The following NDUFS4 variants were observed in gnomAD, a reference collection of about 807,000 sequenced individuals.
NDUFS4 encodes the protein NADH:ubiquinone oxidoreductase subunit S4.
In NDUFS4, 28 loss-of-function variants were observed where a neutral mutation model predicts 24.3. The observed-to-expected ratio is 1.15, with a 90% CI of 0.85 to 1.58. The LOEUF (loss-of-function observed/expected upper bound fraction) is 1.58, where lower values mean the gene tolerates loss of function less well. NDUFS4 is among the 40% of genes most tolerant of loss of function. NDUFS4 has a pLI of 0.00. For missense variants in NDUFS4, 223 were observed against 207.9 expected (o/e 1.07, Z -0.45); for synonymous variants, 93 against 69.7 (o/e 1.34, Z -1.67).
At chr5:53,641,409 CAT>C (rs1341210303) in intron 2 of NDUFS4, among the ~76,000 whole-genome samples, 1 of 152,132 alleles carries the variant, frequency 6.6e-6, no homozygotes, top group Non-Finnish European at 1.5e-5. Context: ...CTATTTCTAT[CAT>C]ATTATCCACA....
chr5:53,659,186 G>C lies in NDUFS4; in HGVS notation c.424+562G>C, dbSNP rs73754283. On this transcript the variant is annotated intron_variant, in intron 4 of 4. Coordinates refer to ENST00000296684, the MANE Select transcript of NDUFS4 (RefSeq NM_002495.4). ...GTATAATAATATTAATGTGGCCTAAGAGTATATTTGCTTTTGGGGCAGCCA... is the reference window on the plus strand; with the variant it reads ...GTATAATAATATTAATGTGGCCTAACAGTATATTTGCTTTTGGGGCAGCCA... Among the ~76,000 whole-genome samples the C allele has an allele frequency of 7.3e-3, 1,106 of 152,196 alleles. 14 individuals are homozygous for C. Among genetic ancestry groups the C allele is most frequent in the African/African-American group, 0.025 (1,057 of 41,530 alleles).
rs1192103515 is a variant in NDUFS4, at chr5:53,665,713, G to A, written c.424+7089G>A. Among the ~76,000 whole-genome samples, 6 of 152,300 alleles carry A rather than the reference G, an allele frequency of 3.9e-5. No homozygotes were observed. In the East Asian group the frequency reaches 7.7e-4, roughly 20 times the overall value. Reference sequence around the variant, plus strand: ...GGGTGGGAGTGACCCGATTTTCCAGGTGCCATCTGTCACCCCTTTCTTTGA... The same window carrying A: ...GGGTGGGAGTGACCCGATTTTCCAGATGCCATCTGTCACCCCTTTCTTTGA... On this transcript the variant is annotated intron_variant, in intron 4 of 4. Coordinates refer to ENST00000296684, the MANE Select transcript of NDUFS4 (RefSeq NM_002495.4).
At chr5:53,656,710 TGTGATAGACA>T (rs1390814226) in intron 3 of NDUFS4, among the ~76,000 whole-genome samples, 1 of 152,160 alleles carries the variant, frequency 6.6e-6, no homozygotes, top group Non-Finnish European at 1.5e-5. Flanking sequence ...CTGAAGTTAA[TGTGATAGACA>T]GTGAAAACTG....
chr5:53,630,397 C>T (rs536921182), intron 2 of NDUFS4, among the ~76,000 whole-genome samples: 2 of 151,798 alleles, frequency 1.3e-5, no homozygotes, highest in African/African-American at 2.4e-5. Context: ...GTGGTGTTCT[C>T]TGTATTTCCT....
At chr5:53,619,931 A>G (rs903691511) in intron 2 of NDUFS4, among the ~76,000 whole-genome samples, 1 of 152,176 alleles carries the variant, frequency 6.6e-6, no homozygotes, top group African/African-American at 2.4e-5. Context: ...GCTAGAATGA[A>G]CATCTTTATA....
rs138590020 is a variant in NDUFS4 at position 53,628,066 on chromosome 5, G to A, written c.178-18167G>A. On this transcript the variant is annotated intron_variant, in intron 2 of 4. Transcript: ENST00000296684. ...TTTGAGATACGTTCCATAATACCTA[G>A]TTTATTGAGAGTTTTTAGCATGAAG... Among the ~76,000 whole-genome samples the A allele has an allele frequency of 2.0e-3, 301 of 152,198 alleles. 1 individual carries two copies. Among genetic ancestry groups the A allele is most frequent in the African/African-American group, 6.8e-3 (283 of 41,536 alleles).
At chr5:53,661,981 C>G (rs370270626) in intron 4 of NDUFS4, among the ~76,000 whole-genome samples, 1 of 152,096 alleles carries the variant, frequency 6.6e-6, no homozygotes, top group Non-Finnish European at 1.5e-5. Flanking sequence ...AATTGAATAC[C>G]CTTTATTTCC....
intron 2 of NDUFS4, among the ~76,000 whole-genome samples, chr5:53,638,779 C>A (rs1009265401): frequency 6.6e-6 from 1 of 152,012 alleles, no homozygotes; most frequent in African/African-American, 2.4e-5. Flanking sequence ...TAAAGGAAAA[C>A]CTTCACTTTC....
At chr5:53,587,393 A>G (rs1222095503) in intron 1 of NDUFS4, among the ~76,000 whole-genome samples, 2 of 152,012 alleles carry the variant, frequency 1.3e-5, no homozygotes, top group Admixed American at 6.6e-5. Context: ...CTATAAACCT[A>G]CCACCTAGAT....
At chr5:53,599,047 T>C (rs1352336599) in intron 1 of NDUFS4, among the ~76,000 whole-genome samples, 1 of 152,148 alleles carries the variant, frequency 6.6e-6, no homozygotes, top group African/African-American at 2.4e-5. Context: ...CAAAAATGAA[T>C]ATTAAACAGC....
intron 4 of NDUFS4, among the ~76,000 whole-genome samples, chr5:53,670,565 G>A (rs990800907): frequency 6.6e-6 from 1 of 150,866 alleles, no homozygotes; most frequent in African/African-American, 2.4e-5. Flanking sequence ...CTTATGTATG[G>A]CTCACATATT....
intron 1 of NDUFS4, among the ~76,000 whole-genome samples, chr5:53,601,005 T>A (rs1420137555): frequency 2.1e-5 from 1 of 48,562 alleles, no homozygotes; most frequent in Non-Finnish European, 5.7e-5. Flanking sequence ...TATAATAAAT[T>A]TTTTTTTTTT....
At chr5:53,570,688 T>C (rs1749181495) in intron 1 of NDUFS4, among the ~76,000 whole-genome samples, 1 of 146,780 alleles carries the variant, frequency 6.8e-6, no homozygotes, top group Admixed American at 6.8e-5. Context: ...TTTTTTCTTT[T>C]TTTTTTTTTT....
intron 4 of NDUFS4, among the ~76,000 whole-genome samples, chr5:53,659,317 G>C (rs536738572): frequency 6.6e-6 from 1 of 152,288 alleles, no homozygotes; most frequent in East Asian, 1.9e-4. Flanking sequence ...GTGAAAGGAA[G>C]TTTTGCAGTC....
chr5:53,653,021 G>A (rs911747793), intron 3 of NDUFS4, among the ~76,000 whole-genome samples: 15 of 150,450 alleles, frequency 1.0e-4, no homozygotes, highest in South Asian at 6.3e-4. Context: ...CTTTAATTTT[G>A]ATTAAACCTA....
chr5:53,610,309 C>G (rs1284531483), intron 2 of NDUFS4, among the ~76,000 whole-genome samples: 1 of 152,076 alleles, frequency 6.6e-6, no homozygotes, highest in Non-Finnish European at 1.5e-5. Context: ...ACACACACAA[C>G]CTTTATTAAT....
At chr5:53,664,564 G>A (rs1469930136) in intron 4 of NDUFS4, among the ~76,000 whole-genome samples, 5 of 151,980 alleles carry the variant, frequency 3.3e-5, no homozygotes, top group Admixed American at 2.0e-4. Flanking sequence ...TTCTCTTCTT[G>A]CTTCATTTCA....
intron 2 of NDUFS4, among the ~76,000 whole-genome samples, chr5:53,626,636 G>A (rs1751234696): frequency 6.6e-6 from 1 of 152,182 alleles, no homozygotes. Context: ...GACCAGTGAT[G>A]ATGAGCATTT....
intron 1 of NDUFS4, among the ~76,000 whole-genome samples, chr5:53,586,365 CAAAT>C (rs1271848715): frequency 6.7e-6 from 1 of 150,156 alleles, no homozygotes; most frequent in Admixed American, 6.6e-5. Context: ...ACAAAAAACT[CAAAT>C]AATCTCTAGT....
Sources: gnomAD v4.1 joint callset for allele counts (sites outside exome capture counted in the v4.1 genomes callset) on GRCh38, gnomAD v4.1.1 for gene constraint, MANE v1.5 for transcripts, NCBI Gene and HGNC (gene_info 2026-07-23, HGNC 2026-07-21) for gene names.